Variants in MYBPH observed in about 807,000 individuals in gnomAD.
MYBPH encodes the protein myosin-binding protein H.
A neutral mutation model predicts 53.6 loss-of-function variants in MYBPH; 49 were observed. The observed-to-expected ratio is 0.91, with a 90% CI of 0.73 to 1.16. MYBPH has a LOEUF of 1.16. MYBPH is among the 50% of genes most tolerant of loss of function. The pLI, the probability that MYBPH is intolerant of heterozygous loss-of-function variation, is 0.00. For missense variants in MYBPH, 558 were observed against 624.1 expected, an observed-to-expected ratio of 0.89 and a Z score of 1.13; for synonymous variants, 239 against 249.6, an observed-to-expected ratio of 0.96 and a Z score of 0.40.
rs1450848766 is a variant in MYBPH at position 203,169,326 on chromosome 1, T to C, written c.1157A>G (p.Gln386Arg). 2 of 1,612,544 alleles carry C rather than the reference T, an allele frequency of 1.2e-6. No individual in the cohort carries two copies. Among genetic ancestry groups the C allele is most frequent in the South Asian group, 2.2e-5 (2 of 90,838 alleles). The part of the protein sequence containing the change: ...RDFSEAPSFT[Q>R]PLADHTSTPG... ...GGTGGAGGTGTGGTCAGCCAGGGGC[T>C]GGGTGAATGAGGGGGCTTCTGAGAA... The change falls in exon 8 of 11, where the codon CAG becomes CGG. Residue 386 changes from glutamine (Q) to arginine (R), a missense_variant. Transcript: ENST00000255416.
Position 203,170,436 on chromosome 1 carries a change from C to G in MYBPH, c.948G>C (p.Val316=). The G allele has an allele frequency of 6.2e-7, 1 of 1,614,008 alleles. No homozygotes were observed. Among genetic ancestry groups the G allele is most frequent in the Non-Finnish European group, 8.5e-7 (1 of 1,179,916 alleles). Residue 316 remains valine, a synonymous_variant, in exon 7 of 11, where the codon GTG becomes GTC. Transcript: ENST00000255416. The part of the protein sequence containing the change: ...ADKKTGQWFT[V]LERYHPTTCT... ...AGGTGGTTGGGTGGTAGCGCTCCAGCACTGTGAACCATTGCTGCAGGGCCC... is the reference window on the plus strand; with the variant it reads ...AGGTGGTTGGGTGGTAGCGCTCCAGGACTGTGAACCATTGCTGCAGGGCCC...
rs1655697438 is a variant in MYBPH, at chr1:203,171,552, C to T, written c.624G>A (p.Trp208Ter). ...FQGKPKPQAT[W>*]THNGHALDSQ... ...TGTCCAGGGCATGGCCGTTGTGGGT[C>T]CATGTGGCCTGAGGCTTAGGCTTCC... Residue 208 changes from tryptophan (W) to a stop codon, truncating the protein, a stop_gained, in exon 5 of 11, where the codon TGG (tryptophan) becomes TGA (stop). Coordinates refer to ENST00000255416, the MANE Select transcript of MYBPH (RefSeq NM_004997.3). LOFTEE classifies it high-confidence loss of function. The surrounding 1 kb of genome is among the most constrained non-coding windows in gnomAD (Gnocchi z 4.2). 1.9e-6 allele frequency: 3 copies of T among 1,612,968 alleles called. No homozygotes were observed. The East Asian group carries it at 6.7e-5, about 36-fold the overall frequency.
At position 203,170,350 on chromosome 1, in the gene MYBPH, A is replaced by G. The variant is rs1655671690; in HGVS notation, c.1034T>C (p.Leu345Pro). 6.2e-7 allele frequency: 1 copy of G among 1,614,210 alleles called. No individual in the cohort carries two copies. Among genetic ancestry groups the G allele is most frequent in the Middle Eastern group, 1.6e-4 (1 of 6,062 alleles). The change falls in exon 7 of 11, where the codon CTG (leucine) becomes CCG (proline). Residue 345 changes from leucine (L) to proline (P), a missense_variant. By Grantham distance (98) the Leu-to-Pro change is moderately conservative (BLOSUM62 -3). Coordinates refer to ENST00000255416, the MANE Select transcript of MYBPH (RefSeq NM_004997.3). Reference sequence around the variant, plus strand: ...GGTGGCCGAGGTGCTGAGTCCACACAGGTTTTCTGAGAAGACCCGGAAGGA... The same window carrying G: ...GGTGGCCGAGGTGCTGAGTCCACACGGGTTTTCTGAGAAGACCCGGAAGGA... Reference protein sequence around the residue: ...SYSFRVFSENLCGLSTSATVT... With the variant: ...SYSFRVFSENPCGLSTSATVT...
Position 203,175,433 on chromosome 1 carries a change from G to T in MYBPH, c.234C>A (p.Thr78=), listed in dbSNP as rs368448508. The stretch of plus-strand genomic sequence containing the variant: ...CAGAGCTGCTGCTCACATCATCCAG[G>T]GTCAGCAGCAGTGGGGCACTGGGGA... ...EDVPSAPLLL[T]LDDVSSSSVT... is the part of the protein sequence containing the mutation. Residue 78 remains threonine (T), a synonymous_variant, in exon 2 of 11, where the codon ACC becomes ACA. Coordinates refer to ENST00000255416, the MANE Select transcript of MYBPH (RefSeq NM_004997.3). 6 of 1,568,676 alleles carry T rather than the reference G, an allele frequency of 3.8e-6. No individual in the cohort carries two copies. In the African/African-American group the frequency reaches 5.4e-5, roughly 14 times the overall value.
rs184719950 is a variant in MYBPH, at chr1:203,174,505, C to G, written c.433G>C (p.Val145Leu). The G allele has an allele frequency of 5.5e-5, 89 of 1,613,560 alleles. 1 individual carries two copies. In the East Asian group the frequency reaches 1.9e-3, roughly 35 times the overall value. The change falls in exon 3 of 11, where the codon GTG becomes CTG. Residue 145 changes from valine (V) to leucine (L), a missense_variant. Val to Leu is a conservative substitution (Grantham distance 32, BLOSUM62 1). Coordinates refer to ENST00000255416, the MANE Select transcript of MYBPH (RefSeq NM_004997.3). ...GCCCCTGCAGAACTCACTGCAGACA[C>G]GCGCAGGAGGAACTTGTCTCCCAGA... ...LALGDKFLLRVSAVSSAGAGP... is the reference protein window; with the variant it reads ...LALGDKFLLRLSAVSSAGAGP...
chr1:203,170,983 T>A (rs967478163), intron 6 of MYBPH, 78 bp downstream of exon 6: 1 of 1,506,256 alleles, frequency 6.6e-7, no homozygotes, highest in Admixed American at 2.2e-5. Flanking sequence ...ACTCGGTCCC[T>A]AGACTCAGTG....
chr1:203,174,664 C>G (rs535075852), intron 2 of MYBPH, 67 bp from the exon 3 acceptor site: 2 of 1,383,346 alleles, frequency 1.4e-6, no homozygotes, highest in Non-Finnish European at 9.5e-7. Context: ...CATGGGGCTT[C>G]TTTTCCTGCT....
intron 3 of MYBPH, among the ~76,000 whole-genome samples, chr1:203,172,977 G>A (rs533696787): frequency 6.6e-6 from 1 of 152,328 alleles, no homozygotes; most frequent in South Asian, 2.1e-4. Context: ...GCTGCAGGGG[G>A]TCAAGAATGC....
chr1:203,171,304 C>T lies in MYBPH; in HGVS notation c.793+79G>A. The T allele has an allele frequency of 6.4e-7, 1 of 1,562,112 alleles. No individual in the cohort carries two copies. The highest frequency in any genetic ancestry group is 1.8e-4 in the Middle Eastern group (1 of 5,490). On this transcript the variant is annotated intron_variant, in intron 5 of 10. Coordinates refer to ENST00000255416, the MANE Select transcript of MYBPH (RefSeq NM_004997.3). This position sits in a 1 kb window ranked among gnomAD's most constrained non-coding sequence, Gnocchi z 4.2. ...TTGCCACACTCCCTTGGCCTGCTCCCATCAGCCATCAGCTCTGGGATAGGA... is the reference window on the plus strand; with the variant it reads ...TTGCCACACTCCCTTGGCCTGCTCCTATCAGCCATCAGCTCTGGGATAGGA...
upstream of MYBPH, among the ~76,000 whole-genome samples, chr1:203,178,424 T>G (rs764186981): frequency 4.6e-5 from 7 of 152,296 alleles, no homozygotes; most frequent in Non-Finnish European, 8.8e-5. Flanking sequence ...ACTGGGAGGC[T>G]GGAGGGCCAT....
intron 2 of MYBPH, 35 bp from the exon 3 acceptor site, chr1:203,174,632 T>C (rs1655764503): frequency 6.5e-7 from 1 of 1,530,700 alleles, no homozygotes. Flanking sequence ...GTCTTTGCAA[T>C]GTGGCCACAG....
Position 203,171,832 on chromosome 1 carries a change from T to G in MYBPH, c.597+120A>C. The G allele has an allele frequency of 1.4e-6, 1 of 735,752 alleles. No homozygotes were observed. Among genetic ancestry groups the G allele is most frequent in the Non-Finnish European group, 2.0e-6 (1 of 487,956 alleles). 45.6% of individuals were successfully genotyped at this position (735,752 alleles called of 1,614,324 possible). ...AGTCATGTGCATGATTGCGGAAGGA[T>G]GAAGCCGTCTCGCTGGGTCTCAGCT... On this transcript the variant is annotated intron_variant, in intron 4 of 10. Coordinates refer to ENST00000255416, the MANE Select transcript of MYBPH (RefSeq NM_004997.3). This position sits in a 1 kb window ranked among gnomAD's most constrained non-coding sequence, Gnocchi z 4.2.
chr1:203,174,302 G>A, intron 3 of MYBPH, 128 bp downstream of exon 3: 1 of 1,443,618 alleles, frequency 6.9e-7, no homozygotes, highest in Non-Finnish European at 9.1e-7. Context: ...GATAGCGTGT[G>A]GCTTGTGCAT....
At chr1:203,178,185 C>T (rs894559702), upstream of MYBPH, among the ~76,000 whole-genome samples, 1 of 152,208 alleles carries the variant, frequency 6.6e-6, no homozygotes, top group African/African-American at 2.4e-5. Context: ...GCGTCTCCAC[C>T]TCATAAAGGC....
At chr1:203,170,024 C>T (rs1042954985) in intron 7 of MYBPH, among the ~76,000 whole-genome samples, 1 of 152,216 alleles carries the variant, frequency 6.6e-6, no homozygotes, top group Admixed American at 6.5e-5. Context: ...GGCAGCCACA[C>T]ACCTCTTTGG....
rs1655686619 is a variant in MYBPH at position 203,171,151 on chromosome 1, G to A, written c.843C>T (p.Cys281=). 6.2e-7 allele frequency: 1 copy of A among 1,613,218 alleles called. No individual in the cohort carries two copies. The highest frequency in any genetic ancestry group is 8.5e-7 in the Non-Finnish European group (1 of 1,179,558). ...SSIRLLDVWG[C]NAALQWTPPQ... is the part of the protein sequence containing the mutation. ...GTGGCGTCCACTGAAGAGCAGCATT[G>A]CAGCCCCAGACGTCCAGGAGCCTGA... Residue 281 remains cysteine, a synonymous_variant, in exon 6 of 11, where the codon TGC becomes TGT. Transcript: ENST00000255416. The surrounding 1 kb of genome is among the most constrained non-coding windows in gnomAD (Gnocchi z 4.2).
upstream of MYBPH, chr1:203,178,815 A>C (rs1655865575): frequency 6.6e-6 from 1 of 152,284 alleles, no homozygotes; most frequent in South Asian, 2.1e-4. Context: ...TGGCGGCCTC[A>C]TCTCTGCAAG....
At chr1:203,172,203 C>T (rs977732500) in intron 3 of MYBPH, among the ~76,000 whole-genome samples, 163 bp from the exon 4 acceptor site, 1 of 152,006 alleles carries the variant, frequency 6.6e-6, no homozygotes, top group African/African-American at 2.4e-5. Context: ...GTGAAGCTCT[C>T]ACTCCTGAGG....
intron 3 of MYBPH, among the ~76,000 whole-genome samples, chr1:203,173,095 C>G (rs1655730681): frequency 6.6e-6 from 1 of 152,188 alleles, no homozygotes; most frequent in African/African-American, 2.4e-5. Flanking sequence ...TTGTTCACAG[C>G]CTCCTCTCCC....
Sources: gnomAD v4.1 joint callset for allele counts (sites outside exome capture counted in the v4.1 genomes callset) on GRCh38, gnomAD v4.1.1 for gene constraint, Gnocchi (gnomAD v3.1) non-coding constraint, MANE v1.5 for transcripts, NCBI Gene and HGNC (gene_info 2026-07-23, HGNC 2026-07-21) for gene names.